NMNAT2: variants seen among roughly 807,000 people sequenced by gnomAD.
NMNAT2 encodes nicotinamide/nicotinic acid mononucleotide adenylyltransferase 2.
NMNAT2 carries 11 observed loss-of-function variants against 41.6 expected under a neutral mutation model. The ratio of observed to expected loss-of-function variants is 0.26; its 90% CI spans 0.17 to 0.44. The LOEUF (loss-of-function observed/expected upper bound fraction) is 0.44, where lower values mean the gene tolerates loss of function less well. NMNAT2 is among the 20% of genes least tolerant of loss of function. NMNAT2 has a pLI of 1.00. For missense variants in NMNAT2, 288 were observed against 407.7 expected, an observed-to-expected ratio of 0.71 and a Z score of 2.53; for synonymous variants, 148 against 151.2, an observed-to-expected ratio of 0.98 and a Z score of 0.16.
chr1:183,279,569 G>T (rs1331427229), intron 7 of NMNAT2, among the ~76,000 whole-genome samples: 2 of 152,188 alleles, frequency 1.3e-5, no homozygotes, highest in Non-Finnish European at 2.9e-5. Flanking sequence ...AGGCCCAGGC[G>T]AGAGACAGAG....
chr1:183,341,214 T>A (rs909228048), intron 1 of NMNAT2, among the ~76,000 whole-genome samples: 2 of 152,184 alleles, frequency 1.3e-5, no homozygotes, highest in African/African-American at 4.8e-5. Context: ...CAAGAAGGCA[T>A]CTGTGTGGCT....
chr1:183,254,585 A>G lies in NMNAT2; in HGVS notation c.822-1842T>C, dbSNP rs535691735. 9.9e-5 allele frequency among the ~76,000 whole-genome samples: 15 copies of G among 152,034 alleles called. No homozygotes were observed. In the South Asian group the frequency reaches 2.7e-3, roughly 27 times the overall value. ...CTCAAGCAGCTAAGACTTCAGGCAC[A>G]TGCTACCATGCCTGGCTAATTTTTT... is the stretch of plus-strand genomic sequence containing the variant. On this transcript the variant is annotated intron_variant, in intron 10 of 10. Coordinates refer to ENST00000287713, the MANE Select transcript of NMNAT2 (RefSeq NM_015039.4).
At chr1:183,263,475 G>A (rs1474663102) in intron 8 of NMNAT2, among the ~76,000 whole-genome samples, 1 of 152,164 alleles carries the variant, frequency 6.6e-6, no homozygotes, top group African/African-American at 2.4e-5. Context: ...AGAATCACCT[G>A]AGGGGCTTTA....
intron 1 of NMNAT2, among the ~76,000 whole-genome samples, chr1:183,388,327 T>A (rs2101919502): frequency 6.6e-6 from 1 of 152,364 alleles, no homozygotes; most frequent in Non-Finnish European, 1.5e-5. Context: ...GGCAGGGATG[T>A]AGCAAACTGG....
chr1:183,360,854 T>G (rs1297140839), intron 1 of NMNAT2, among the ~76,000 whole-genome samples: 1 of 152,228 alleles, frequency 6.6e-6, no homozygotes, highest in South Asian at 2.1e-4. Flanking sequence ...GGTGGAAGCA[T>G]TTTTATAAGC....
rs371155463 is a variant in NMNAT2, at chr1:183,278,628, C to T, written c.576G>A (p.Glu192=). Residue 192 remains glutamate (E), a splice_region_variant and synonymous_variant, in exon 8 of 11, where the codon GAG becomes GAA. Transcript: ENST00000287713. The stretch of plus-strand genomic sequence containing the variant: ...TACCACACAGCAGCAGGATCCGTAG[C>T]TCTGAGGAAGGGGAGCAAAGTTTGC... ...LGTVMRYEEI[E]LRILLLCGSD... is the part of the protein sequence containing the mutation. The T allele has an allele frequency of 3.1e-6, 5 of 1,613,170 alleles. No individual in the cohort carries two copies. The African/African-American group carries it at 6.7e-5, about 22-fold the overall frequency.
chr1:183,366,426 A>G (rs1489574305), intron 1 of NMNAT2, among the ~76,000 whole-genome samples: 1 of 152,236 alleles, frequency 6.6e-6, no homozygotes, highest in East Asian at 1.9e-4. Flanking sequence ...CATCATCATC[A>G]TTAATTAGTA....
chr1:183,252,851 T>C (rs1660427838), intron 10 of NMNAT2, 108 bp from the exon 11 acceptor site: 1 of 782,728 alleles, frequency 1.3e-6, no homozygotes, highest in Non-Finnish European at 2.2e-6. Flanking sequence ...TTTTCTCAGG[T>C]TGAGTAAATA....
chr1:183,284,048 G>A lies in NMNAT2; in HGVS notation c.530-9C>T. On this transcript the variant is annotated splice_polypyrimidine_tract_variant and intron_variant, in intron 6 of 10. Coordinates refer to ENST00000287713, the MANE Select transcript of NMNAT2 (RefSeq NM_015039.4). ...CAGATTGGCATTCTCATCTAAGGAGGAAAGAAGGAAGGTAGGGCATTAGGG... is the reference window on the plus strand; with the variant it reads ...CAGATTGGCATTCTCATCTAAGGAGAAAAGAAGGAAGGTAGGGCATTAGGG... 6.3e-7 allele frequency: 1 copy of A among 1,599,348 alleles called. No individual in the cohort carries two copies. The highest frequency in any genetic ancestry group is 8.5e-7 in the Non-Finnish European group (1 of 1,170,782).
chr1:183,346,669 C>T (rs922803664), intron 1 of NMNAT2, among the ~76,000 whole-genome samples: 1 of 152,182 alleles, frequency 6.6e-6, no homozygotes, highest in Non-Finnish European at 1.5e-5. Context: ...AACGACCAAC[C>T]TTCTTTTTGT....
chr1:183,376,570 C>T (rs564650324), intron 1 of NMNAT2, among the ~76,000 whole-genome samples: 6 of 152,220 alleles, frequency 3.9e-5, no homozygotes, highest in South Asian at 2.1e-4. Flanking sequence ...TGCCATGATG[C>T]GATGACAGGT....
chr1:183,366,326 A>G (rs1663412486), intron 1 of NMNAT2, among the ~76,000 whole-genome samples: 1 of 152,218 alleles, frequency 6.6e-6, no homozygotes. Context: ...AATAGTATCT[A>G]CTTCATAGGG....
intron 1 of NMNAT2, among the ~76,000 whole-genome samples, chr1:183,409,107 C>A (rs1649044960): frequency 6.6e-6 from 1 of 151,934 alleles, no homozygotes; most frequent in Non-Finnish European, 1.5e-5. Flanking sequence ...GTAATCCTAG[C>A]ACTTTGGGAG....
intron 1 of NMNAT2, among the ~76,000 whole-genome samples, chr1:183,302,037 C>T (rs1661867796): frequency 6.6e-6 from 1 of 152,176 alleles, no homozygotes; most frequent in Non-Finnish European, 1.5e-5. Context: ...AGACCAAGTG[C>T]TGGATGATAA....
Position 183,308,062 on chromosome 1 carries a change from C to T in NMNAT2, c.86-14269G>A, listed in dbSNP as rs1428206877. 1.3e-5 allele frequency among the ~76,000 whole-genome samples: 2 copies of T among 152,150 alleles called. 1 individual carries two copies. The highest frequency in any genetic ancestry group is 2.9e-5 in the Non-Finnish European group (2 of 68,034). On this transcript the variant is annotated intron_variant, in intron 1 of 10. Coordinates refer to ENST00000287713, the MANE Select transcript of NMNAT2 (RefSeq NM_015039.4). ...AGTTCTCCAGGTTATTGATTGAGCT[C>T]TGCTGGCATTGGGACAGAGGAAGTT... is the stretch of plus-strand genomic sequence containing the variant.
At chr1:183,403,226 A>G (rs1340347023) in intron 1 of NMNAT2, among the ~76,000 whole-genome samples, 3 of 152,080 alleles carry the variant, frequency 2.0e-5, no homozygotes, top group African/African-American at 4.8e-5. Flanking sequence ...GAGCCACTGC[A>G]CCCGGCCAAA....
At chr1:183,295,681 C>T (rs997032927) in intron 1 of NMNAT2, among the ~76,000 whole-genome samples, 3 of 152,142 alleles carry the variant, frequency 2.0e-5, no homozygotes, top group Non-Finnish European at 4.4e-5. Flanking sequence ...CTCCTCTTTT[C>T]CCAAACCCCT....
chr1:183,257,657 A>G (rs1243199530), intron 10 of NMNAT2, among the ~76,000 whole-genome samples: 2 of 152,152 alleles, frequency 1.3e-5, no homozygotes, highest in African/African-American at 4.8e-5. Flanking sequence ...TTGTTTGCAT[A>G]TAATTGTTCA....
rs549333836 is a variant in NMNAT2 at position 183,389,800 on chromosome 1, G to T, written c.85+28383C>A. On this transcript the variant is annotated intron_variant, in intron 1 of 10. Transcript: ENST00000287713. ...AGAAAGAAAGAAAGAAAGAAAGAAA[G>T]AAAGAAAGAAAGAAAGAAAGAAAGA... 6.7e-4 allele frequency among the ~76,000 whole-genome samples: 42 copies of T among 63,078 alleles called. 1 individual carries two copies. Among genetic ancestry groups the T allele is most frequent in the Non-Finnish European group, 1.1e-3 (34 of 30,732 alleles). 41.4% of individuals were successfully genotyped at this position (63,078 alleles called of 152,430 possible). A position where few individuals can be genotyped will look rare whatever the true frequency, so the allele number is the denominator to read the frequency against.
Sources: gnomAD v4.1 joint callset for allele counts (sites outside exome capture counted in the v4.1 genomes callset) on GRCh38, gnomAD v4.1.1 for gene constraint, MANE v1.5 for transcripts, NCBI Gene and HGNC (gene_info 2026-07-23, HGNC 2026-07-21) for gene names.